The following WNK1 variants were observed in gnomAD, a reference collection of about 807,000 sequenced individuals.
The protein encoded by WNK1 is serine/threonine-protein kinase WNK1.
Under a neutral mutation model 222.8 loss-of-function variants are expected in WNK1, and 38 were observed. The observed-to-expected ratio is 0.17, with a 90% CI of 0.13 to 0.22. The LOEUF is 0.22. Among genes scored for constraint, WNK1 ranks in the 10% least tolerant of loss-of-function variants. The probability of loss-of-function intolerance (pLI) is 1.00; values close to 1 mark genes in which losing one functional copy is unlikely to be tolerated. For missense variants in WNK1, 2,348 were observed against 2,918.4 expected, an observed-to-expected ratio of 0.80 and a Z score of 4.50; for synonymous variants, 1,090 against 1,092.9, an observed-to-expected ratio of 1.00 and a Z score of 0.05.
intron 4 of WNK1, among the ~76,000 whole-genome samples, chr12:845,781 A>G (rs2154050173): frequency 6.6e-6 from 1 of 152,344 alleles, no homozygotes; most frequent in South Asian, 2.1e-4. Flanking sequence ...TTTTTATGTT[A>G]ACCAGTGACA....
intron 1 of WNK1, among the ~76,000 whole-genome samples, chr12:795,619 A>T (rs1232403383): frequency 2.0e-5 from 3 of 152,080 alleles, no homozygotes; most frequent in African/African-American, 7.2e-5. Flanking sequence ...AACTGTGAGT[A>T]CAGTTAAACC....
intron 10 of WNK1, among the ~76,000 whole-genome samples, 183 bp downstream of exon 10, chr12:878,544 A>G (rs574732139): frequency 6.6e-6 from 1 of 152,148 alleles, no homozygotes; most frequent in Non-Finnish European, 1.5e-5. Flanking sequence ...TCATTGGTGC[A>G]TATGCATTAT....
At chr12:826,899 T>A (rs1357612204) in intron 2 of WNK1, 143 bp from the exon 3 acceptor site, 2 of 658,602 alleles carry the variant, frequency 3.0e-6, no homozygotes, top group African/African-American at 3.6e-5. Context: ...TTACTAAAAG[T>A]ATTATTAACC....
intron 1 of WNK1, among the ~76,000 whole-genome samples, chr12:754,623 T>C (rs763712114): frequency 5.9e-5 from 9 of 152,126 alleles, no homozygotes; most frequent in Non-Finnish European, 1.3e-4. Context: ...TTGGAATGAG[T>C]GGGGAAGTTG....
At chr12:849,459 T>C (rs1410704919) in intron 4 of WNK1, among the ~76,000 whole-genome samples, 1 of 152,190 alleles carries the variant, frequency 6.6e-6, no homozygotes, top group Non-Finnish European at 1.5e-5. Flanking sequence ...TAGTTTTTAT[T>C]TGGGTCTATG....
chr12:811,708 A>T (rs555829847), intron 1 of WNK1, among the ~76,000 whole-genome samples: 8 of 148,746 alleles, frequency 5.4e-5, no homozygotes, highest in African/African-American at 9.9e-5. Flanking sequence ...TTCCTAGATT[A>T]AAAAAAAAAC....
At chr12:833,880 TAAGTA>T (rs1479803362) in intron 4 of WNK1, among the ~76,000 whole-genome samples, 1 of 152,206 alleles carries the variant, frequency 6.6e-6, no homozygotes, top group East Asian at 1.9e-4. Context: ...AGCTTGATAC[TAAGTA>T]AAGGTGAATA....
intron 1 of WNK1, among the ~76,000 whole-genome samples, chr12:778,419 A>T (rs1341029534): frequency 1.3e-5 from 2 of 151,110 alleles, no homozygotes; most frequent in Non-Finnish European, 2.9e-5. Context: ...TGCAACCTCC[A>T]CCTCCCGGGT....
At chr12:860,477 T>G (rs1257342804) in intron 6 of WNK1, among the ~76,000 whole-genome samples, 1 of 152,250 alleles carries the variant, frequency 6.6e-6, no homozygotes, top group African/African-American at 2.4e-5. Context: ...TAGTTGCCTC[T>G]GAGAGGAGAT....
chr12:836,917 G>C (rs1325079383), intron 4 of WNK1, among the ~76,000 whole-genome samples: 1 of 151,770 alleles, frequency 6.6e-6, no homozygotes, highest in African/African-American at 2.4e-5. Flanking sequence ...TTTTGTATGT[G>C]CATACTAAAA....
rs146461512 is a variant in WNK1 at position 754,183 on chromosome 12, G to C, written c.618G>C (p.Glu206Asp). Reference sequence around the variant, plus strand: ...GCCAGCAGCAGGATGATATCGAAGAGCTGGAGACCAAGGCCGTGGGAATGT... The same window carrying C: ...GCCAGCAGCAGGATGATATCGAAGACCTGGAGACCAAGGCCGTGGGAATGT... ...ERSQQQDDIE[E>D]LETKAVGMSN... Residue 206 changes from glutamate to aspartate, a missense_variant, in exon 1 of 28, where the codon GAG (glutamate) becomes GAC (aspartate). Physicochemically the swap from Glu to Asp is conservative, Grantham distance 45. Transcript: ENST00000315939. The C allele has an allele frequency of 1.9e-6, 3 of 1,613,520 alleles. No individual in the cohort carries two copies. The highest frequency in any genetic ancestry group is 2.5e-6 in the Non-Finnish European group (3 of 1,180,050).
intron 4 of WNK1, among the ~76,000 whole-genome samples, chr12:856,109 G>T (rs897678694): frequency 2.0e-5 from 3 of 151,636 alleles, no homozygotes; most frequent in Non-Finnish European, 2.9e-5. Context: ...AAAGTGCTGG[G>T]ATTACAGGTG....
chr12:805,858 A>T (rs914770370), intron 1 of WNK1, among the ~76,000 whole-genome samples: 1 of 152,156 alleles, frequency 6.6e-6, no homozygotes, highest in Non-Finnish European at 1.5e-5. Context: ...CACAATATAC[A>T]TATATTTATT....
rs1946298400 is a variant in WNK1 at position 805,529 on chromosome 12, T to C, written c.760-8113T>C. On this transcript the variant is annotated intron_variant, in intron 1 of 27. Coordinates refer to ENST00000315939, the MANE Select transcript of WNK1 (RefSeq NM_018979.4). ...TTTAGTGTAAGTGCTAATTAAAACC[T>C]ACTAAAATTAATGTTTTTGACAGTG... 2.0e-5 allele frequency among the ~76,000 whole-genome samples: 3 copies of C among 152,242 alleles called. No individual in the cohort carries two copies. The South Asian group carries it at 6.2e-4, about 31-fold the overall frequency.
chr12:888,923 ACTC>A (rs1380232053), intron 20 of WNK1, among the ~76,000 whole-genome samples: 1 of 152,176 alleles, frequency 6.6e-6, no homozygotes, highest in African/African-American at 2.4e-5. Flanking sequence ...AACATGAACT[ACTC>A]TGAGCCTTGA....
Position 900,468 on chromosome 12 carries a change from T to C in WNK1, c.6449-8T>C. On this transcript the variant is annotated splice_polypyrimidine_tract_variant and splice_region_variant and intron_variant, in intron 25 of 27. Transcript: ENST00000315939. The stretch of plus-strand genomic sequence containing the variant: ...CATGTTTCCTCATGCCACTTTATCT[T>C]TTGGCAGGTAACCTGTCTGGTCAGA... 1 of 1,614,166 alleles carries C rather than the reference T, an allele frequency of 6.2e-7. No individual in the cohort carries two copies.
intron 3 of WNK1, among the ~76,000 whole-genome samples, chr12:828,100 C>G (rs1458383233): frequency 6.6e-6 from 1 of 151,172 alleles, no homozygotes; most frequent in Non-Finnish European, 1.5e-5. Context: ...GAGTTTGAGA[C>G]CAGTCTGGCT....
At position 881,756 on chromosome 12, in the gene WNK1, C is replaced by T. The variant is rs755286401; in HGVS notation, c.3176C>T (p.Thr1059Ile). The change falls in exon 13 of 28, where the codon ACC (threonine) becomes ATC (isoleucine). Residue 1059 changes from threonine (T) to isoleucine (I), a missense_variant. Coordinates refer to ENST00000315939, the MANE Select transcript of WNK1 (RefSeq NM_018979.4). ...GTTGCAGTAGCACAGACCCAAGCTA[C>T]CCAGCCGACCACTTTGGCTTCCTCT... is the stretch of plus-strand genomic sequence containing the variant. ...EPVAVAQTQATQPTTLASSVD... is the reference protein window; with the variant it reads ...EPVAVAQTQAIQPTTLASSVD... 29 of 1,614,150 alleles carry T rather than the reference C, an allele frequency of 1.8e-5. 1 individual carries two copies. The highest frequency in any genetic ancestry group is 6.6e-5 in the South Asian group (6 of 91,082).
In WNK1 at chr12:882,940, T is replaced by C. The variant is rs761989536; in HGVS notation, c.3373-3T>C. On this transcript the variant is annotated splice_polypyrimidine_tract_variant and splice_region_variant and intron_variant, in intron 14 of 27. Transcript: ENST00000315939. ...GGAGATGATGTACCTTTTTTCTTTT[T>C]AGGTTTCAAATAAAGGAGACCGAGT... The C allele has an allele frequency of 1.3e-6, 2 of 1,578,004 alleles. No individual in the cohort carries two copies. Among genetic ancestry groups the C allele is most frequent in the Admixed American group, 1.7e-5 (1 of 59,972 alleles).
Sources: allele counts gnomAD v4.1 joint callset (sites outside exome capture counted in the v4.1 genomes callset), GRCh38; gene constraint gnomAD v4.1.1; transcripts MANE v1.5; gene names NCBI Gene and HGNC (gene_info 2026-07-23, HGNC 2026-07-21).